ZNF521: variants seen among roughly 807,000 people sequenced by gnomAD.
ZNF521 encodes zinc finger protein 521.
In ZNF521, 14 loss-of-function variants were observed where a neutral mutation model predicts 105.5. The ratio of observed to expected loss-of-function variants is 0.13; its 90% CI spans 0.09 to 0.21. The LOEUF (loss-of-function observed/expected upper bound fraction) is 0.21, where lower values mean the gene tolerates loss of function less well. Ranked by LOEUF, ZNF521 falls within the 10% of genes least tolerant of loss-of-function variation. The probability of loss-of-function intolerance (pLI) is 1.00; values close to 1 mark genes in which losing one functional copy is unlikely to be tolerated. For synonymous variants in ZNF521, 635 were observed against 606.0 expected, an observed-to-expected ratio of 1.05 and a Z score of -0.70; for missense variants, 1,233 against 1,629.7, an observed-to-expected ratio of 0.76 and a Z score of 4.19.
At chr18:25,190,917 G>A (rs745714735) in intron 5 of ZNF521, among the ~76,000 whole-genome samples, 4 of 152,190 alleles carry the variant, frequency 2.6e-5, no homozygotes, top group Middle Eastern at 6.8e-3. Context: ...ATAAAATACC[G>A]AGTATTTATT....
chr18:25,184,614 G>A (rs1460730592), intron 5 of ZNF521, among the ~76,000 whole-genome samples: 1 of 152,118 alleles, frequency 6.6e-6, no homozygotes, highest in Admixed American at 6.5e-5. Context: ...ATGCTCTTTG[G>A]CCCACAATTG....
chr18:25,194,192 A>T (rs1600140926), intron 5 of ZNF521, among the ~76,000 whole-genome samples: 1 of 151,744 alleles, frequency 6.6e-6, no homozygotes, highest in African/African-American at 2.4e-5. Context: ...AGAGTTTCAT[A>T]GTAGGAGAGT....
At chr18:25,074,060 G>GTGCA (rs201826771) in intron 7 of ZNF521, among the ~76,000 whole-genome samples, 4,942 of 151,670 alleles carry the variant, frequency 0.033, 265 homozygotes, top group African/African-American at 0.11. Context: ...GCACATGTGT[G>GTGCA]CGCACGCGTG....
intron 3 of ZNF521, among the ~76,000 whole-genome samples, chr18:25,303,840 A>C (rs1911806011): frequency 6.6e-6 from 1 of 152,218 alleles, no homozygotes; most frequent in Non-Finnish European, 1.5e-5. Context: ...AACTAAAAAA[A>C]TAATCTGAGA....
At chr18:25,341,111 C>G (rs189058478) in intron 2 of ZNF521, among the ~76,000 whole-genome samples, 43 of 152,230 alleles carry the variant, frequency 2.8e-4, no homozygotes, top group African/African-American at 9.4e-4. Context: ...CATCAAGACA[C>G]CCAATATCAT....
chr18:25,235,926 A>G (rs1055821688), intron 3 of ZNF521, among the ~76,000 whole-genome samples: 1 of 132,508 alleles, frequency 7.5e-6, no homozygotes. Context: ...GGGGGGAACT[A>G]TTACTACAAT....
intron 7 of ZNF521, among the ~76,000 whole-genome samples, chr18:25,082,091 C>T (rs1297612963): frequency 1.3e-5 from 2 of 152,210 alleles, no homozygotes; most frequent in Non-Finnish European, 2.9e-5. Context: ...AATTTAACCA[C>T]TGAGCAAATT....
At chr18:25,342,408 G>T (rs920488288) in intron 2 of ZNF521, among the ~76,000 whole-genome samples, 3 of 110,878 alleles carry the variant, frequency 2.7e-5, no homozygotes, top group Non-Finnish European at 6.0e-5. Flanking sequence ...TCTTTCCTTT[G>T]TTTTTTTTTT....
intron 5 of ZNF521, among the ~76,000 whole-genome samples, chr18:25,109,575 A>G (rs1415255175): frequency 6.6e-6 from 1 of 152,208 alleles, no homozygotes; most frequent in Admixed American, 6.5e-5. Context: ...CCAACAGTAT[A>G]TAAGTGTTCC....
chr18:25,226,317 T>C lies in ZNF521; in HGVS notation c.1601A>G (p.Gln534Arg). ...GGAGCCACTGAGGTCACAATGAACC[T>C]GTCTAATATGCTCTTCCAGGGAAGA... ...TDSSLEEHIR[Q>R]VHCDLSGSRF... The change falls in exon 4 of 8, where the codon CAG becomes CGG. Residue 534 changes from glutamine (Q) to arginine (R), a missense_variant. Coordinates refer to ENST00000361524, the MANE Select transcript of ZNF521 (RefSeq NM_015461.3). This position sits in a 1 kb window ranked among gnomAD's most constrained non-coding sequence, Gnocchi z 4.1. The C allele has an allele frequency of 6.2e-7, 1 of 1,614,180 alleles. No homozygotes were observed. Among genetic ancestry groups the C allele is most frequent in the South Asian group, 1.1e-5 (1 of 91,076 alleles).
intron 3 of ZNF521, among the ~76,000 whole-genome samples, chr18:25,320,927 C>T: frequency 6.6e-6 from 1 of 152,180 alleles, no homozygotes; most frequent in East Asian, 1.9e-4. Flanking sequence ...AGAAGAGCCA[C>T]AAGGCACTTT....
intron 3 of ZNF521, among the ~76,000 whole-genome samples, chr18:25,278,124 A>T (rs34806149): frequency 2.0e-5 from 3 of 152,232 alleles, no homozygotes; most frequent in Admixed American, 6.5e-5. Flanking sequence ...GCAAAATATG[A>T]CAGCACAGGC....
At chr18:25,231,260 T>C (rs571315543) in intron 3 of ZNF521, among the ~76,000 whole-genome samples, 1 of 152,264 alleles carries the variant, frequency 6.6e-6, no homozygotes, top group East Asian at 1.9e-4. Context: ...AAGACCTCCA[T>C]CTCAGGCTAG....
chr18:25,217,196 A>G (rs1387344745), intron 4 of ZNF521, among the ~76,000 whole-genome samples: 1 of 152,208 alleles, frequency 6.6e-6, no homozygotes, highest in Non-Finnish European at 1.5e-5. Flanking sequence ...TACGCTTCCA[A>G]CTGCAGCATG....
chr18:25,275,599 G>GTA (rs2144963747), intron 3 of ZNF521, among the ~76,000 whole-genome samples: 1 of 152,288 alleles, frequency 6.6e-6, no homozygotes, highest in Admixed American at 6.5e-5. Context: ...TACCCACACT[G>GTA]TATCCACATG....
intron 2 of ZNF521, among the ~76,000 whole-genome samples, chr18:25,346,031 A>G (rs915178751): frequency 1.3e-5 from 2 of 152,164 alleles, no homozygotes; most frequent in African/African-American, 4.8e-5. Flanking sequence ...TTTTTAAAAA[A>G]CTTACCTTAG....
At chr18:25,263,689 C>T (rs1909067468) in intron 3 of ZNF521, among the ~76,000 whole-genome samples, 3 of 152,212 alleles carry the variant, frequency 2.0e-5, no homozygotes, top group South Asian at 4.1e-4. Flanking sequence ...CATTCTCCTG[C>T]GTCAGCGTCC....
intron 5 of ZNF521, among the ~76,000 whole-genome samples, chr18:25,178,874 C>A (rs1040941491): frequency 6.6e-6 from 1 of 152,128 alleles, no homozygotes; most frequent in Non-Finnish European, 1.5e-5. Flanking sequence ...ATGAATACTG[C>A]ACCAGCTGAA....
At chr18:25,157,641 AAAG>A (rs1156312458) in intron 5 of ZNF521, among the ~76,000 whole-genome samples, 1 of 152,258 alleles carries the variant, frequency 6.6e-6, no homozygotes, top group Admixed American at 6.5e-5. Flanking sequence ...TAAAGAATAT[AAAG>A]AAGGAGTCCC....
Sources: gnomAD v4.1 joint callset for allele counts (sites outside exome capture counted in the v4.1 genomes callset) on GRCh38, gnomAD v4.1.1 for gene constraint, Gnocchi (gnomAD v3.1) non-coding constraint, MANE v1.5 for transcripts, NCBI Gene and HGNC (gene_info 2026-07-23, HGNC 2026-07-21) for gene names.